The following PFKFB3 variants were observed in gnomAD, a reference collection of about 807,000 sequenced individuals.
PFKFB3 encodes the protein 6-phosphofructo-2-kinase/fructose-2,6-bisphosphatase 3.
A neutral mutation model predicts 68.0 loss-of-function variants in PFKFB3; 33 were observed. The observed-to-expected ratio is 0.49, with a 90% CI of 0.37 to 0.65. The LOEUF (loss-of-function observed/expected upper bound fraction) is 0.65. Among genes scored for constraint, PFKFB3 ranks in the 30% least tolerant of loss-of-function variants. The probability of loss-of-function intolerance (pLI) is 0.00; values close to 1 mark genes in which losing one functional copy is unlikely to be tolerated. For missense variants in PFKFB3, 586 were observed against 712.2 expected (o/e 0.82, Z 2.02); for synonymous variants, 315 against 288.2 (o/e 1.09, Z -0.94).
chr10:6,318,027 C>T, the PFKFB3 span, among the ~76,000 whole-genome samples: 1 of 152,206 alleles, frequency 6.6e-6, no homozygotes, highest in African/African-American at 2.4e-5. Context: ...GTTCAGAAAA[C>T]TATACATACA....
At chr10:6,242,419 C>T (rs1289378865) in intron 14 of PFKFB3, among the ~76,000 whole-genome samples, 2 of 152,170 alleles carry the variant, frequency 1.3e-5, no homozygotes, top group East Asian at 1.9e-4. Flanking sequence ...ACACCATCAC[C>T]CCTATGTACA....
chr10:6,202,235 G>T (rs147151293), upstream of PFKFB3, among the ~76,000 whole-genome samples: 1 of 152,182 alleles, frequency 6.6e-6, no homozygotes, highest in African/African-American at 2.4e-5. Flanking sequence ...CCAGCACCGC[G>T]GGCCTCTCAA....
At chr10:6,204,353 G>C (rs1432871054) in intron 1 of PFKFB3, among the ~76,000 whole-genome samples, 3 of 152,258 alleles carry the variant, frequency 2.0e-5, no homozygotes, top group Non-Finnish European at 4.4e-5. Flanking sequence ...GCAAACTCTC[G>C]AGGTGGCTTC....
intron 1 of PFKFB3, among the ~76,000 whole-genome samples, chr10:6,206,323 C>CA (rs933065114): frequency 2.8e-5 from 4 of 141,390 alleles, no homozygotes; most frequent in Admixed American, 7.1e-5. Context: ...TAGTACAGAA[C>CA]AAAATGAAAA....
intron 1 of PFKFB3, among the ~76,000 whole-genome samples, chr10:6,183,435 GCCCCAGCCC>G (rs1674990381): frequency 6.6e-6 from 1 of 151,708 alleles, no homozygotes; most frequent in South Asian, 2.1e-4. Context: ...GCAGTCAGGT[GCCCCAGCCC>G]CACCAGCCTG....
At chr10:6,257,707 C>T (rs77572589), downstream of PFKFB3, among the ~76,000 whole-genome samples, 5,588 of 152,174 alleles carry the variant, frequency 0.037, 153 homozygotes, top group Non-Finnish European at 0.053. Context: ...ACACACCCTG[C>T]GATGAGGGTT....
chr10:6,262,372 T>G, the PFKFB3 span, among the ~76,000 whole-genome samples: 1 of 36,778 alleles, frequency 2.7e-5, no homozygotes, highest in Non-Finnish European at 7.9e-5. Context: ...GAGAATGGCG[T>G]GAACCCTGGG....
the PFKFB3 span, among the ~76,000 whole-genome samples, chr10:6,286,188 T>C: frequency 2.6e-5 from 4 of 152,142 alleles, no homozygotes; most frequent in African/African-American, 7.2e-5. Flanking sequence ...TGTGTTATCC[T>C]TGATGGTCTC....
chr10:6,298,334 G>A, the PFKFB3 span, among the ~76,000 whole-genome samples: 1 of 151,782 alleles, frequency 6.6e-6, no homozygotes, highest in African/African-American at 2.4e-5. Flanking sequence ...TAGGAGAATG[G>A]CAGAGTCCAG....
At chr10:6,231,159 C>T in intron 14 of PFKFB3, 2 of 883,058 alleles carry the variant, frequency 2.3e-6, no homozygotes, top group Admixed American at 1.9e-5. Flanking sequence ...ATGCAACCTT[C>T]ATTTTTAAAA....
At chr10:6,206,861 G>A (rs56182387) in intron 1 of PFKFB3, among the ~76,000 whole-genome samples, 1,515 of 38,742 alleles carry the variant, frequency 0.039, 83 homozygotes, top group African/African-American at 0.045. Context: ...GGGCAGAGAC[G>A]CTCCTCACTT....
the PFKFB3 span, among the ~76,000 whole-genome samples, chr10:6,289,998 C>T: frequency 6.6e-6 from 1 of 152,254 alleles, no homozygotes; most frequent in South Asian, 2.1e-4. Context: ...TGATTTGGCT[C>T]TCTGTTTGTC....
chr10:6,265,888 A>AT, the PFKFB3 span, among the ~76,000 whole-genome samples: 267 of 145,028 alleles, frequency 1.8e-3, 2 homozygotes, highest in Middle Eastern at 3.4e-3. Context: ...CTTGTCCTTC[A>AT]TTTTTTTTTT....
At chr10:6,291,555 C>CAAAA in the PFKFB3 span, among the ~76,000 whole-genome samples, 1 of 59,114 alleles carries the variant, frequency 1.7e-5, no homozygotes, top group Non-Finnish European at 3.8e-5. Flanking sequence ...GACTCTGTCT[C>CAAAA]AAAAAAAAAA....
At chr10:6,199,384 G>C (rs1843258080), upstream of PFKFB3, among the ~76,000 whole-genome samples, 1 of 152,134 alleles carries the variant, frequency 6.6e-6, no homozygotes, top group African/African-American at 2.4e-5. Flanking sequence ...AGAAGTGTGG[G>C]AACAAAGGTG....
chr10:6,166,071 C>T (rs1842128776), intron 1 of PFKFB3, among the ~76,000 whole-genome samples: 1 of 151,912 alleles, frequency 6.6e-6, no homozygotes, highest in African/African-American at 2.4e-5. Context: ...CTTCCGCCTC[C>T]TGGGTTCAAG....
intron 13 of PFKFB3, chr10:6,224,547 C>G (rs1426613878): frequency 4.2e-6 from 2 of 475,458 alleles, no homozygotes; most frequent in Admixed American, 5.0e-5. Flanking sequence ...GTGGCGCAGT[C>G]ACGGCTCACT....
chr10:6,291,579 C>T, the PFKFB3 span, among the ~76,000 whole-genome samples: 15 of 150,210 alleles, frequency 1.0e-4, no homozygotes, highest in African/African-American at 3.7e-4. Context: ...AAAAAAGTGT[C>T]CTGTTTACTA....
At chr10:6,164,209 G>A (rs1354349408) in intron 1 of PFKFB3, among the ~76,000 whole-genome samples, 1 of 138,012 alleles carries the variant, frequency 7.2e-6, no homozygotes, top group Non-Finnish European at 1.7e-5. Flanking sequence ...GCTGGGGCAG[G>A]TCCGCGGTGG....
Sources: gnomAD v4.1 joint callset for allele counts (sites outside exome capture counted in the v4.1 genomes callset) on GRCh38, gnomAD v4.1.1 for gene constraint, MANE v1.5 for transcripts, NCBI Gene and HGNC (gene_info 2026-07-23, HGNC 2026-07-21) for gene names.